Variants in TOM1 observed in about 807,000 individuals in gnomAD.
TOM1 encodes target of myb1 membrane trafficking protein.
In TOM1, 38 loss-of-function variants were observed where a neutral mutation model predicts 61.3. The ratio of observed to expected loss-of-function variants is 0.62; its 90% CI spans 0.48 to 0.81. The LOEUF is 0.81. Ranked by LOEUF, TOM1 falls within the 40% of genes least tolerant of loss-of-function variation. The pLI, the probability that TOM1 is intolerant of heterozygous loss-of-function variation, is 0.00. For missense variants in TOM1, 591 were observed against 659.6 expected, an observed-to-expected ratio of 0.90 and a Z score of 1.14; for synonymous variants, 270 against 268.8, an observed-to-expected ratio of 1.00 and a Z score of -0.04.
rs1426356081 is a variant in TOM1 at position 35,323,629 on chromosome 22, G to C, written c.500G>C (p.Arg167Thr). ...CTGTCACCCATCCACACACCCCAGA[G>C]GGTGAGAGAACTGCCGTACCGGGAA... is the stretch of plus-strand genomic sequence containing the variant. The part of the protein sequence containing the change: ...DMLSPIHTPQ[R>T]TVFNSETQSG... Residue 167 changes from arginine (R) to threonine (T), a missense_variant and splice_region_variant, in exon 5 of 15, where the codon AGG becomes ACG. By Grantham distance (71) the Arg-to-Thr change is moderately conservative. Transcript: ENST00000449058. The surrounding 1 kb of genome is among the most constrained non-coding windows in gnomAD (Gnocchi z 4.2). The C allele has an allele frequency of 6.2e-7, 1 of 1,614,062 alleles. No individual in the cohort carries two copies. Among genetic ancestry groups the C allele is most frequent in the Non-Finnish European group, 8.5e-7 (1 of 1,180,038 alleles).
intron 8 of TOM1, chr22:35,331,277 T>C (rs1480725876): frequency 4.5e-6 from 2 of 448,956 alleles, no homozygotes; most frequent in Admixed American, 2.4e-5. Context: ...CTTTTCTTTT[T>C]TTTTTTTTCT....
Position 35,338,753 on chromosome 22 carries a change from G to A in TOM1, c.1189G>A (p.Gly397Arg). ...CCCCCAAGCAACAGACGGCCTGGCTGGAGCCCTGGACGCCCGGCAGCAGAG... is the reference window on the plus strand; with the variant it reads ...CCCCCAAGCAACAGACGGCCTGGCTAGAGCCCTGGACGCCCGGCAGCAGAG... ...EAPQATDGLA[G>R]ALDARQQSTG... Residue 397 changes from glycine (G) to arginine (R), a missense_variant, in exon 12 of 15, where the codon GGA becomes AGA. Gly to Arg is a moderately radical substitution (Grantham distance 125). Transcript: ENST00000449058. 6.2e-7 allele frequency: 1 copy of A among 1,601,418 alleles called. No individual in the cohort carries two copies. Among genetic ancestry groups the A allele is most frequent in the Non-Finnish European group, 8.5e-7 (1 of 1,174,924 alleles).
At chr22:35,343,415 C>T in intron 12 of TOM1, among the ~76,000 whole-genome samples, 1 of 149,972 alleles carries the variant, frequency 6.7e-6, no homozygotes, top group Non-Finnish European at 1.5e-5. Flanking sequence ...CAGCCCTACA[C>T]ACACCACACA....
chr22:35,338,357 T>C (rs1262481669), intron 11 of TOM1, among the ~76,000 whole-genome samples: 1 of 152,108 alleles, frequency 6.6e-6, no homozygotes, highest in Admixed American at 6.5e-5. Flanking sequence ...GTCTATAAAA[T>C]AGGAAACAAG....
intron 12 of TOM1, chr22:35,345,298 C>G (rs1487214955): frequency 4.5e-6 from 1 of 222,912 alleles, no homozygotes; most frequent in African/African-American, 2.2e-5. Flanking sequence ...GTCCCCATCC[C>G]AGCCTTCACG....
rs1263193426 is a variant in TOM1, at chr22:35,327,904, G to A, written c.765+517G>A. ...CCCGGGTGTCACATGGTATTCCCAC[G>A]GCCCCAGCCCAGATTGGGGGTCACT... On this transcript the variant is annotated intron_variant, in intron 7 of 14. Transcript: ENST00000449058. Among the ~76,000 whole-genome samples, 7 of 152,210 alleles carry A rather than the reference G, an allele frequency of 4.6e-5. No homozygotes were observed. The South Asian group carries it at 6.2e-4, about 14-fold the overall frequency.
In TOM1 at chr22:35,323,764, C is replaced by G; in HGVS notation, c.502-4C>G. 2 of 1,604,814 alleles carry G rather than the reference C, an allele frequency of 1.2e-6. No homozygotes were observed. On this transcript the variant is annotated splice_polypyrimidine_tract_variant and splice_region_variant and intron_variant, in intron 5 of 14. Coordinates refer to ENST00000449058, the MANE Select transcript of TOM1 (RefSeq NM_005488.3). The surrounding 1 kb of genome is among the most constrained non-coding windows in gnomAD (Gnocchi z 4.2). ...CCTCACTGATCCTGTTTTCCTCCCA[C>G]TAGACCGTGTTCAACTCAGAGACAC...
chr22:35,347,162 C>T lies in TOM1; in HGVS notation c.1432C>T (p.Arg478Trp), dbSNP rs748386637. The T allele has an allele frequency of 9.9e-6, 16 of 1,612,928 alleles. No homozygotes were observed. Among genetic ancestry groups the T allele is most frequent in the Non-Finnish European group, 1.2e-5 (14 of 1,179,656 alleles). ...PPGPPSGPAP[R>W]KKTQEKDDDM... ...GGGTCCCCCATCTGGCCCAGCGCCC[C>T]GGAAGAAGACCCAGGAGAAAGATGA... is the stretch of plus-strand genomic sequence containing the variant. Residue 478 changes from arginine (R) to tryptophan (W), a missense_variant, in exon 15 of 15, where the codon CGG becomes TGG. Coordinates refer to ENST00000449058, the MANE Select transcript of TOM1 (RefSeq NM_005488.3).
intron 12 of TOM1, among the ~76,000 whole-genome samples, chr22:35,342,366 G>A (rs1186116134): frequency 6.6e-6 from 1 of 152,018 alleles, no homozygotes; most frequent in African/African-American, 2.4e-5. Context: ...GACGGGCTGG[G>A]AGCAGGACTC....
At chr22:35,308,275 C>CTTTTTTTTTTTTTTTTTTTTT (rs138770) in intron 1 of TOM1, among the ~76,000 whole-genome samples, 1 of 129,442 alleles carries the variant, frequency 7.7e-6, no homozygotes, top group Non-Finnish European at 1.7e-5. Flanking sequence ...TTCCTTTTCT[C>CTTTTTTTTTTTTTTTTTTTTT]TTTTTTTTTT....
At chr22:35,343,038 ACACAC>A (rs1299014314) in intron 12 of TOM1, among the ~76,000 whole-genome samples, 9 of 134,864 alleles carry the variant, frequency 6.7e-5, no homozygotes, top group Admixed American at 1.5e-4. Context: ...ACACACCTCC[ACACAC>A]CACACCTCCA....
At chr22:35,305,395 C>T (rs1926231970) in intron 1 of TOM1, among the ~76,000 whole-genome samples, 1 of 152,216 alleles carries the variant, frequency 6.6e-6, no homozygotes, top group African/African-American at 2.4e-5. Flanking sequence ...GGCACGGTGG[C>T]TCACGCCTGT....
intron 12 of TOM1, chr22:35,344,310 T>TG (rs1486779774): frequency 7.2e-5 from 11 of 152,578 alleles, no homozygotes; most frequent in Non-Finnish European, 1.3e-4. Flanking sequence ...GCAGGGCTCC[T>TG]GCCAGGCATG....
In TOM1 at chr22:35,347,045, C is replaced by T; in HGVS notation, c.1325-10C>T. 6.2e-7 allele frequency: 1 copy of T among 1,610,980 alleles called. No individual in the cohort carries two copies. The highest frequency in any genetic ancestry group is 8.5e-7 in the Non-Finnish European group (1 of 1,178,280). On this transcript the variant is annotated splice_polypyrimidine_tract_variant and intron_variant, in intron 14 of 14. Coordinates refer to ENST00000449058, the MANE Select transcript of TOM1 (RefSeq NM_005488.3). ...TCAGGGCCTACCCTCACCCTCTCCC[C>T]TTCCTCTAGAATTTGACAAATTCCT... is the stretch of plus-strand genomic sequence containing the variant.
In TOM1 at chr22:35,327,343, C is replaced by G; in HGVS notation, c.721C>G (p.Leu241Val). The G allele has an allele frequency of 6.2e-7, 1 of 1,613,948 alleles. No individual in the cohort carries two copies. Among genetic ancestry groups the G allele is most frequent in the Non-Finnish European group, 8.5e-7 (1 of 1,180,006 alleles). ...GGTGATGTCGGAGATGCTGACGGAG[C>G]TGGTGCCCACCCAGGCCGAGCCCGC... ...VRVMSEMLTE[L>V]VPTQAEPADL... Residue 241 changes from leucine to valine, a missense_variant, in exon 7 of 15, where the codon CTG becomes GTG. Physicochemically the swap from Leu to Val is conservative, Grantham distance 32. Transcript: ENST00000449058.
At chr22:35,342,748 C>T (rs984203415) in intron 12 of TOM1, among the ~76,000 whole-genome samples, 1 of 147,808 alleles carries the variant, frequency 6.8e-6, no homozygotes, top group African/African-American at 2.5e-5. Flanking sequence ...CACCCATAGA[C>T]CTACACACAC....
intron 8 of TOM1, 122 bp downstream of exon 8, chr22:35,330,602 C>T: frequency 3.8e-6 from 4 of 1,062,080 alleles, no homozygotes; most frequent in Non-Finnish European, 4.0e-6. Flanking sequence ...AAACACAAGG[C>T]AGGCTCCTAA....
intron 1 of TOM1, among the ~76,000 whole-genome samples, chr22:35,300,540 G>T (rs1925659439): frequency 6.6e-6 from 1 of 152,240 alleles, no homozygotes; most frequent in South Asian, 2.1e-4. Context: ...GTCCGCCTGG[G>T]CTCTTTTCTC....
chr22:35,320,479 A>G lies in TOM1; in HGVS notation c.138-1480A>G, dbSNP rs550917997. ...CCCTAGGCTTCTTCAGCCCTCCCCG[A>G]CCTCCCCCACACTCAGTGTGGCCTC... On this transcript the variant is annotated intron_variant, in intron 2 of 14. Coordinates refer to ENST00000449058, the MANE Select transcript of TOM1 (RefSeq NM_005488.3). Among the ~76,000 whole-genome samples, 7 of 148,058 alleles carry G rather than the reference A, an allele frequency of 4.7e-5. No homozygotes were observed. The East Asian group carries it at 1.2e-3, about 25-fold the overall frequency.
Sources: gnomAD v4.1 joint callset for allele counts (sites outside exome capture counted in the v4.1 genomes callset) on GRCh38, gnomAD v4.1.1 for gene constraint, Gnocchi (gnomAD v3.1) non-coding constraint, MANE v1.5 for transcripts, NCBI Gene and HGNC (gene_info 2026-07-23, HGNC 2026-07-21) for gene names.